EEIG2: variants seen among roughly 807,000 people sequenced by gnomAD.
EEIG2 encodes the protein EEIG family member 2.
At chr1:108,569,749 C>G in the EEIG2 span, among the ~76,000 whole-genome samples, 4 of 152,136 alleles carry the variant, frequency 2.6e-5, no homozygotes, top group Non-Finnish European at 5.9e-5. Flanking sequence ...TTATATCAGC[C>G]AATTATGTGT....
At chr1:108,614,340 T>C in the EEIG2 span, among the ~76,000 whole-genome samples, 1 of 151,820 alleles carries the variant, frequency 6.6e-6, no homozygotes, top group African/African-American at 2.4e-5. Context: ...CTGAAGAGAA[T>C]CACACAACCA....
chr1:108,607,881 T>A, the EEIG2 span, among the ~76,000 whole-genome samples: 2 of 152,120 alleles, frequency 1.3e-5, no homozygotes, highest in Admixed American at 1.3e-4. Context: ...CCTTCTAGAG[T>A]CTGTCTCTGT....
chr1:108,604,619 G>T, the EEIG2 span, among the ~76,000 whole-genome samples: 1 of 152,174 alleles, frequency 6.6e-6, no homozygotes, highest in African/African-American at 2.4e-5. Context: ...CGAAGAAAAT[G>T]ATGCAACAAA....
At chr1:108,619,993 A>G in the EEIG2 span, among the ~76,000 whole-genome samples, 2 of 152,226 alleles carry the variant, frequency 1.3e-5, no homozygotes, top group Non-Finnish European at 2.9e-5. Context: ...GCACACTCCC[A>G]TACCTACTTC....
chr1:108,605,440 G>A, the EEIG2 span, among the ~76,000 whole-genome samples: 4 of 152,164 alleles, frequency 2.6e-5, no homozygotes, highest in African/African-American at 9.7e-5. Context: ...TTGAAAGATG[G>A]AAATGATAGA....
At chr1:108,632,946 A>ATTTT in the EEIG2 span, among the ~76,000 whole-genome samples, 50 of 132,134 alleles carry the variant, frequency 3.8e-4, 4 homozygotes, top group East Asian at 9.0e-4. Context: ...CATGCCCAGC[A>ATTTT]TTTTTTTTTT....
At chr1:108,576,234 C>T in the EEIG2 span, among the ~76,000 whole-genome samples, 1 of 152,174 alleles carries the variant, frequency 6.6e-6, no homozygotes, top group Non-Finnish European at 1.5e-5. Context: ...TTTAATTTAG[C>T]AAATACCTGC....
the EEIG2 span, among the ~76,000 whole-genome samples, chr1:108,582,258 G>T: frequency 6.6e-6 from 1 of 152,116 alleles, no homozygotes; most frequent in Admixed American, 6.6e-5. Context: ...ACTTTATTGT[G>T]ATATTTGCTT....
chr1:108,605,838 G>C, the EEIG2 span, among the ~76,000 whole-genome samples: 300 of 152,248 alleles, frequency 2.0e-3, 2 homozygotes, highest in African/African-American at 6.8e-3. Context: ...GTTGTCCCTG[G>C]GGTGTGGTTT....
At chr1:108,624,612 C>T in the EEIG2 span, 1 of 1,597,048 alleles carries the variant, frequency 6.3e-7, no homozygotes, top group Non-Finnish European at 8.6e-7. Context: ...TGAGGCTCCC[C>T]CACAACTCCA....
chr1:108,615,611 CAAAAA>C, the EEIG2 span, among the ~76,000 whole-genome samples: 1 of 144,082 alleles, frequency 6.9e-6, no homozygotes, highest in Admixed American at 7.0e-5. Flanking sequence ...CTCATTTCTG[CAAAAA>C]AAAAAGAAAA....
the EEIG2 span, among the ~76,000 whole-genome samples, chr1:108,618,670 A>T: frequency 2.6e-5 from 4 of 151,974 alleles, no homozygotes; most frequent in Admixed American, 6.6e-5. Context: ...AGGCAGGAGG[A>T]TCACTCTACA....
the EEIG2 span, among the ~76,000 whole-genome samples, chr1:108,613,726 C>CA: frequency 6.6e-6 from 1 of 152,144 alleles, no homozygotes; most frequent in African/African-American, 2.4e-5. Flanking sequence ...GACTTAGCTC[C>CA]TGGCTCACAG....
the EEIG2 span, chr1:108,635,350 A>G: frequency 1.7e-6 from 1 of 592,450 alleles, no homozygotes; most frequent in Non-Finnish European, 3.0e-6. Flanking sequence ...GTCTCCAGGC[A>G]CTGTGCCACT....
chr1:108,597,079 TCA>T, the EEIG2 span, among the ~76,000 whole-genome samples: 5 of 152,204 alleles, frequency 3.3e-5, no homozygotes, highest in Non-Finnish European at 7.3e-5. Flanking sequence ...GAGACTTTCC[TCA>T]CTTATCTGCC....
At chr1:108,606,441 G>A in the EEIG2 span, among the ~76,000 whole-genome samples, 1 of 152,136 alleles carries the variant, frequency 6.6e-6, no homozygotes, top group African/African-American at 2.4e-5. Flanking sequence ...TGCTGATTAT[G>A]GAATATTATT....
chr1:108,604,132 G>T, the EEIG2 span, among the ~76,000 whole-genome samples: 2 of 152,180 alleles, frequency 1.3e-5, no homozygotes, highest in Non-Finnish European at 2.9e-5. Flanking sequence ...AGCAAGTCTG[G>T]CATGTTTAAA....
chr1:108,621,501 G>A, the EEIG2 span, among the ~76,000 whole-genome samples: 7 of 152,252 alleles, frequency 4.6e-5, no homozygotes, highest in South Asian at 2.1e-4. Flanking sequence ...TTTTGAGACC[G>A]CAGAACAAGG....
the EEIG2 span, among the ~76,000 whole-genome samples, chr1:108,618,764 G>C: frequency 6.6e-6 from 1 of 150,518 alleles, no homozygotes; most frequent in African/African-American, 2.4e-5. Flanking sequence ...TTGAGCCTGG[G>C]AAGTGGAGGT....
Sources: gnomAD v4.1 joint callset for allele counts (sites outside exome capture counted in the v4.1 genomes callset) on GRCh38, gnomAD v4.1.1 for gene constraint, MANE v1.5 for transcripts, NCBI Gene and HGNC (gene_info 2026-07-23, HGNC 2026-07-21) for gene names.